Variants in ZNF774 observed in about 807,000 individuals in gnomAD.
The protein encoded by ZNF774 is zinc finger protein 774.
Under a neutral mutation model 11.1 loss-of-function variants are expected in ZNF774, and 14 were observed. The observed-to-expected ratio is 1.26, with a 90% CI of 0.83 to 1.97. The LOEUF is 1.97. Among genes scored for constraint, ZNF774 ranks in the 30% most tolerant of loss-of-function variants. The pLI is 0.00. For synonymous variants in ZNF774, 195 were observed against 212.6 expected, an observed-to-expected ratio of 0.92 and a Z score of 0.72; for missense variants, 599 against 587.0, an observed-to-expected ratio of 1.02 and a Z score of -0.21.
intron 1 of ZNF774, 100 bp from the exon 2 acceptor site, chr15:90,354,542 G>C: frequency 8.5e-6 from 6 of 705,426 alleles, no homozygotes; most frequent in Non-Finnish European, 1.2e-5. Context: ...GGTCAGGTGT[G>C]GGGGGTTGTT....
In ZNF774 at chr15:90,362,532, C is replaced by T. The variant is rs1272052177; in HGVS notation, c.*1249C>T. 6.5e-7 allele frequency: 1 copy of T among 1,535,766 alleles called. No individual in the cohort carries two copies. Among genetic ancestry groups the T allele is most frequent in the Admixed American group, 2.0e-5 (1 of 50,978 alleles). On this transcript the variant is annotated 3_prime_UTR_variant, in exon 4 of 4. Coordinates refer to ENST00000354377, the MANE Select transcript of ZNF774 (RefSeq NM_001004309.3). ...TTTAGTTTTAGGTTAATATAATTCTCTGATCCTTTTAGGGCCATCCAGGTT... is the reference window on the plus strand; with the variant it reads ...TTTAGTTTTAGGTTAATATAATTCTTTGATCCTTTTAGGGCCATCCAGGTT...
intron 2 of ZNF774, among the ~76,000 whole-genome samples, chr15:90,356,014 C>G (rs1471198266): frequency 7.8e-6 from 1 of 128,622 alleles, no homozygotes; most frequent in African/African-American, 3.3e-5. Flanking sequence ...GGCGACAGAG[C>G]AAGACTCCAT....
At chr15:90,358,678 G>A (rs192992903) in intron 2 of ZNF774, among the ~76,000 whole-genome samples, 173 bp from the exon 3 acceptor site, 51 of 152,126 alleles carry the variant, frequency 3.4e-4, no homozygotes, top group Middle Eastern at 3.4e-3. Flanking sequence ...ACATTTTGGG[G>A]AAATCACCGT....
chr15:90,360,790 A>G lies in ZNF774; in HGVS notation c.959A>G (p.Lys320Arg), dbSNP rs1271354658. ...ACCCACACGGGAGAACGGCCCTTCA[A>G]ATGCCCGGAGTGCGGGAAGGGCTTC... is the stretch of plus-strand genomic sequence containing the variant. Reference protein sequence around the residue: ...QRTHTGERPFKCPECGKGFRD... With the variant: ...QRTHTGERPFRCPECGKGFRD... The change falls in exon 4 of 4, where the codon AAA becomes AGA. Residue 320 changes from lysine to arginine, a missense_variant. Transcript: ENST00000354377. 4 of 1,614,020 alleles carry G rather than the reference A, an allele frequency of 2.5e-6. No individual in the cohort carries two copies. The highest frequency in any genetic ancestry group is 1.3e-5 in the African/African-American group (1 of 74,902).
Position 90,360,399 on chromosome 15 carries a change from C to G in ZNF774, c.568C>G (p.Gln190Glu). The G allele has an allele frequency of 6.2e-7, 1 of 1,614,002 alleles. No homozygotes were observed. The highest frequency in any genetic ancestry group is 2.2e-5 in the East Asian group (1 of 44,870). ...CATTGAGTGTGGGAAAGGCTTCAAACAGAGCTCAGACCTTGTCACCCATCG... is the reference window on the plus strand; with the variant it reads ...CATTGAGTGTGGGAAAGGCTTCAAAGAGAGCTCAGACCTTGTCACCCATCG... ...TCIECGKGFK[Q>E]SSDLVTHRRT... Residue 190 changes from glutamine to glutamate, a missense_variant, in exon 4 of 4, where the codon CAG becomes GAG. Physicochemically the swap from Gln to Glu is conservative, Grantham distance 29 (BLOSUM62 2). Coordinates refer to ENST00000354377, the MANE Select transcript of ZNF774 (RefSeq NM_001004309.3).
intron 2 of ZNF774, among the ~76,000 whole-genome samples, chr15:90,357,418 C>T (rs965724360): frequency 2.0e-5 from 3 of 152,066 alleles, no homozygotes; most frequent in Non-Finnish European, 4.4e-5. Context: ...GTGAGAGAAT[C>T]GCTTGAGCCA....
rs1233458161 is a variant in ZNF774 at position 90,362,529 on chromosome 15, T to G, written c.*1246T>G. On this transcript the variant is annotated 3_prime_UTR_variant, in exon 4 of 4. Coordinates refer to ENST00000354377, the MANE Select transcript of ZNF774 (RefSeq NM_001004309.3). Reference sequence around the variant, plus strand: ...CCATTTAGTTTTAGGTTAATATAATTCTCTGATCCTTTTAGGGCCATCCAG... The same window carrying G: ...CCATTTAGTTTTAGGTTAATATAATGCTCTGATCCTTTTAGGGCCATCCAG... 1 of 1,535,710 alleles carries G rather than the reference T, an allele frequency of 6.5e-7. No homozygotes were observed. The highest frequency in any genetic ancestry group is 8.7e-7 in the Non-Finnish European group (1 of 1,146,574).
chr15:90,361,471 A>G lies in ZNF774; in HGVS notation c.*188A>G. 7.2e-7 allele frequency: 1 copy of G among 1,385,124 alleles called. No homozygotes were observed. Among genetic ancestry groups the G allele is most frequent in the Non-Finnish European group, 9.3e-7 (1 of 1,072,784 alleles). The allele number at this position is 1,385,124 out of a possible 1,614,324, so 85.8% of individuals were successfully genotyped here. A position where few individuals can be genotyped will look rare whatever the true frequency, so the allele number is the denominator to read the frequency against. On this transcript the variant is annotated 3_prime_UTR_variant, in exon 4 of 4. Transcript: ENST00000354377. The stretch of plus-strand genomic sequence containing the variant: ...GTCCAAATAACGGTCCGAATACAAA[A>G]GGCATTCCTTCAGTGTGTGACTGAC...
Position 90,360,690 on chromosome 15 carries a change from G to A in ZNF774, c.859G>A (p.Gly287Arg), listed in dbSNP as rs1175898308. ...NFITHQRTHT[G>R]VKPYRCNDCG... ...CATCACTCACCAGAGGACCCACACA[G>A]GGGTGAAGCCTTACAGGTGTAATGA... Residue 287 changes from glycine to arginine, a missense_variant, in exon 4 of 4, where the codon GGG becomes AGG. By Grantham distance (125) the Gly-to-Arg change is moderately radical. Transcript: ENST00000354377. 6.2e-7 allele frequency: 1 copy of A among 1,614,236 alleles called. No homozygotes were observed. Among genetic ancestry groups the A allele is most frequent in the South Asian group, 1.1e-5 (1 of 91,088 alleles).
chr15:90,358,740 T>A, intron 2 of ZNF774, 111 bp from the exon 3 acceptor site: 1 of 717,644 alleles, frequency 1.4e-6, no homozygotes, highest in Non-Finnish European at 2.4e-6. Context: ...AAATACACGT[T>A]AGAGCTCCCC....
rs1596233202 is a variant in ZNF774, at chr15:90,361,319, A to G, written c.*36A>G. 2 of 1,541,474 alleles carry G rather than the reference A, an allele frequency of 1.3e-6. No homozygotes were observed. Among genetic ancestry groups the G allele is most frequent in the Non-Finnish European group, 1.7e-6 (2 of 1,146,940 alleles). On this transcript the variant is annotated 3_prime_UTR_variant, in exon 4 of 4. Transcript: ENST00000354377. ...TTGGTGTTCAGCTGCTCCCTTGCAC[A>G]TTTTCATTGCTACTGTCTTCAAGCA...
chr15:90,362,415 G>T lies in ZNF774; in HGVS notation c.*1132G>T. 1.2e-6 allele frequency: 1 copy of T among 823,560 alleles called. No individual in the cohort carries two copies. Among genetic ancestry groups the T allele is most frequent in the Non-Finnish European group, 1.9e-6 (1 of 517,608 alleles). The allele number at this position is 823,560 out of a possible 1,614,324, so 51.0% of individuals were successfully genotyped here. A position where few individuals can be genotyped will look rare whatever the true frequency, so the allele number is the denominator to read the frequency against. ...ACTATAAAATTGTGGAAGCAAAATT[G>T]CTGAGAATGTCAAATGATATTACAG... On this transcript the variant is annotated 3_prime_UTR_variant, in exon 4 of 4. Transcript: ENST00000354377.
rs752597358 is a variant in ZNF774, at chr15:90,361,163, C to T, written c.1332C>T (p.Ser444=). The change falls in exon 4 of 4, where the codon TCC becomes TCT. Residue 444 remains serine (S), a synonymous_variant. Coordinates refer to ENST00000354377, the MANE Select transcript of ZNF774 (RefSeq NM_001004309.3). The part of the protein sequence containing the change: ...PECGKTFNQR[S]HFLTHQRTHT... ...GTGGCAAGACCTTCAATCAGCGTTC[C>T]CATTTCCTCACACACCAGAGAACGC... 9 of 1,614,066 alleles carry T rather than the reference C, an allele frequency of 5.6e-6. No individual in the cohort carries two copies. In the South Asian group the frequency reaches 7.7e-5, roughly 14 times the overall value.
rs16944267 is a variant in ZNF774, at chr15:90,358,940, C to T, written c.194C>T (p.Pro65Leu). 43,731 of 1,613,312 alleles carry T rather than the reference C, an allele frequency of 0.027. 4,283 individuals are homozygous for T. In the African/African-American group the frequency reaches 0.31, roughly 11 times the overall value. Residue 65 changes from proline to leucine, a missense_variant, in exon 3 of 4, where the codon CCG (proline) becomes CTG (leucine). Coordinates refer to ENST00000354377, the MANE Select transcript of ZNF774 (RefSeq NM_001004309.3). ...CAAAACTTTGAGGCGAGGAAGATCC[C>T]GAGGGAAAGCCACACAGGTGAGATG... ...PLQNFEARKI[P>L]RESHTDCEHQ...
chr15:90,360,258 C>T lies in ZNF774; in HGVS notation c.427C>T (p.Leu143=), dbSNP rs762022207. The part of the protein sequence containing the change: ...FSQERDLNKL[L]DGYVGEKPMC... ...ACAGGAGAGGGATTTAAACAAGCTC[C>T]TGGATGGATATGTAGGAGAGAAGCC... The change falls in exon 4 of 4, where the codon CTG becomes TTG. Residue 143 remains leucine, a synonymous_variant. Coordinates refer to ENST00000354377, the MANE Select transcript of ZNF774 (RefSeq NM_001004309.3). 16 of 1,614,170 alleles carry T rather than the reference C, an allele frequency of 9.9e-6. No homozygotes were observed. Among genetic ancestry groups the T allele is most frequent in the Non-Finnish European group, 1.4e-5 (16 of 1,180,026 alleles).
intron 1 of ZNF774, among the ~76,000 whole-genome samples, chr15:90,352,667 C>A (rs1218157870): frequency 6.6e-6 from 1 of 152,116 alleles, no homozygotes; most frequent in Non-Finnish European, 1.5e-5. Flanking sequence ...CCTCTGACCG[C>A]CGCACCCCGG....
chr15:90,352,855 C>G (rs1964192260), intron 1 of ZNF774, among the ~76,000 whole-genome samples: 1 of 152,114 alleles, frequency 6.6e-6, no homozygotes, highest in Admixed American at 6.6e-5. Context: ...GGCTGGGAAA[C>G]AGGGTTTCTA....
At chr15:90,359,409 T>C (rs987921530) in intron 3 of ZNF774, among the ~76,000 whole-genome samples, 3 of 151,996 alleles carry the variant, frequency 2.0e-5, no homozygotes, top group African/African-American at 7.2e-5. Context: ...TGGTCAGTAG[T>C]TGACTAAATA....
At chr15:90,356,683 C>T (rs1247048504) in intron 2 of ZNF774, among the ~76,000 whole-genome samples, 1 of 152,194 alleles carries the variant, frequency 6.6e-6, no homozygotes, top group Non-Finnish European at 1.5e-5. Flanking sequence ...TTCAGCTGTA[C>T]ATTCTTTCTT....
Sources: gnomAD v4.1 joint callset for allele counts (sites outside exome capture counted in the v4.1 genomes callset) on GRCh38, gnomAD v4.1.1 for gene constraint, MANE v1.5 for transcripts, NCBI Gene and HGNC (gene_info 2026-07-23, HGNC 2026-07-21) for gene names.